Variants in OR2AP1 observed in about 807,000 individuals in gnomAD.
The protein encoded by OR2AP1 is olfactory receptor 2AP1.
In OR2AP1, 20 loss-of-function variants were observed where a neutral mutation model predicts 13.9. That is an observed-to-expected ratio of 1.44 (90% CI 1.01 to 2.09). The LOEUF is 2.09. Ranked by LOEUF, OR2AP1 falls within the 30% of genes most tolerant of loss-of-function variation. OR2AP1 has a pLI of 0.00. For missense variants in OR2AP1, 490 were observed against 360.6 expected (o/e 1.36, Z -2.91); for synonymous variants, 174 against 137.0 (o/e 1.27, Z -1.89).
Position 55,574,652 on chromosome 12 carries a change from C to G in OR2AP1, c.238C>G (p.Leu80Val). 1 of 1,545,682 alleles carries G rather than the reference C, an allele frequency of 6.5e-7. No individual in the cohort carries two copies. ...SFTNIFIPRV[L>V]ISITTGNKSI... is the part of the protein sequence containing the mutation. ...CACAAACATCTTCATTCCAAGGGTC[C>G]TGATTAGCATCACAACAGGGAACAA... is the stretch of plus-strand genomic sequence containing the variant. The change falls in exon 2 of 2, where the codon CTG becomes GTG. Residue 80 changes from leucine to valine, a missense_variant. Leu to Val is a conservative substitution (Grantham distance 32). Coordinates refer to ENST00000641114, the MANE Select transcript of OR2AP1 (RefSeq NM_001258285.2).
chr12:55,575,596 C>G lies in OR2AP1; in HGVS notation c.*252C>G. On this transcript the variant is annotated 3_prime_UTR_variant, in exon 2 of 2. Coordinates refer to ENST00000641114, the MANE Select transcript of OR2AP1 (RefSeq NM_001258285.2). ...ACATATTCTCACTCATAGGTGGGAA[C>G]TGAACAATGAGAACACATGGACACA... 2 of 304,196 alleles carry G rather than the reference C, an allele frequency of 6.6e-6. 1 individual carries two copies. Among genetic ancestry groups the G allele is most frequent in the East Asian group, 1.6e-4 (2 of 12,122 alleles). 18.8% of individuals were successfully genotyped at this position (304,196 alleles called of 1,614,324 possible). A position where few individuals can be genotyped will look rare whatever the true frequency, so the allele number is the denominator to read the frequency against.
intron 1 of OR2AP1, among the ~76,000 whole-genome samples, chr12:55,573,553 G>C (rs1207468123): frequency 3.9e-5 from 6 of 152,174 alleles, no homozygotes; most frequent in African/African-American, 1.4e-4. Context: ...TAATTTAATG[G>C]ATTCACAGAC....
chr12:55,572,604 C>G lies in OR2AP1; in HGVS notation c.-214C>G, dbSNP rs950335622. On this transcript the variant is annotated 5_prime_UTR_variant, in exon 1 of 2. Coordinates refer to ENST00000641114, the MANE Select transcript of OR2AP1 (RefSeq NM_001258285.2). The stretch of plus-strand genomic sequence containing the variant: ...ACTGATGCAGATGTGAATATTCAAC[C>G]ACTCCCTGAAGACTCCAGGTTAGTA... 4 of 152,070 alleles carry G rather than the reference C, an allele frequency of 2.6e-5. No homozygotes were observed. Among genetic ancestry groups the G allele is most frequent in the African/African-American group, 9.7e-5 (4 of 41,408 alleles). The allele number at this position is 152,070 out of a possible 1,614,324, so 9.4% of individuals were successfully genotyped here. A position where few individuals can be genotyped will look rare whatever the true frequency, so the allele number is the denominator to read the frequency against.
chr12:55,574,131 A>C (rs975440773), intron 1 of OR2AP1, 89 bp from the exon 2 acceptor site: 1 of 298,602 alleles, frequency 3.3e-6, no homozygotes, highest in East Asian at 5.8e-5. Flanking sequence ...CAATGTTTTG[A>C]ATATCATTTA....
chr12:55,575,025 C>T lies in OR2AP1; in HGVS notation c.611C>T (p.Thr204Ile). The part of the protein sequence containing the change: ...EKVVFLVASV[T>I]LVVTLVLVIL... The stretch of plus-strand genomic sequence containing the variant: ...GTTGTCTTTCTTGTGGCATCTGTGA[C>T]CCTGGTGGTCACTCTGGTGCTAGTG... Residue 204 changes from threonine (T) to isoleucine (I), a missense_variant, in exon 2 of 2, where the codon ACC becomes ATC. By Grantham distance (89) the Thr-to-Ile change is moderately conservative. Coordinates refer to ENST00000641114, the MANE Select transcript of OR2AP1 (RefSeq NM_001258285.2). The T allele has an allele frequency of 6.5e-7, 1 of 1,538,314 alleles. No homozygotes were observed. Among genetic ancestry groups the T allele is most frequent in the South Asian group, 1.2e-5 (1 of 84,218 alleles).
chr12:55,575,559 A>G lies in OR2AP1; in HGVS notation c.*215A>G. The G allele has an allele frequency of 2.6e-6, 1 of 390,726 alleles. No individual in the cohort carries two copies. The highest frequency in any genetic ancestry group is 4.7e-6 in the Non-Finnish European group (1 of 211,082). The allele number at this position is 390,726 out of a possible 1,614,324, so 24.2% of individuals were successfully genotyped here. On this transcript the variant is annotated 3_prime_UTR_variant, in exon 2 of 2. Transcript: ENST00000641114. Reference sequence around the variant, plus strand: ...CTCAGTAAACTATCACAAGAACAAAAAACCGAACACCACATATTCTCACTC... The same window carrying G: ...CTCAGTAAACTATCACAAGAACAAAGAACCGAACACCACATATTCTCACTC...
rs760152652 is a variant in OR2AP1 at position 55,574,634 on chromosome 12, A to G, written c.220A>G (p.Ile74Val). The change falls in exon 2 of 2, where the codon ATC (isoleucine) becomes GTC (valine). Residue 74 changes from isoleucine to valine, a missense_variant. Coordinates refer to ENST00000641114, the MANE Select transcript of OR2AP1 (RefSeq NM_001258285.2). Reference protein sequence around the residue: ...FSFLEISFTNIFIPRVLISIT... With the variant: ...FSFLEISFTNVFIPRVLISIT... ...CTTCTTGGAAATTTCCTTCACAAAC[A>G]TCTTCATTCCAAGGGTCCTGATTAG... 7 of 1,542,906 alleles carry G rather than the reference A, an allele frequency of 4.5e-6. No individual in the cohort carries two copies. The highest frequency in any genetic ancestry group is 2.4e-5 in the South Asian group (2 of 84,332).
chr12:55,574,377 C>CTCTCTTTT lies in OR2AP1; in HGVS notation c.-35_-28dup. 3 of 1,083,466 alleles carry CTCTCTTTT rather than the reference C, an allele frequency of 2.8e-6. No individual in the cohort carries two copies. Among genetic ancestry groups the CTCTCTTTT allele is most frequent in the Non-Finnish European group, 1.3e-6 (1 of 762,248 alleles). The allele number at this position is 1,083,466 out of a possible 1,614,324, so 67.1% of individuals were successfully genotyped here. A position where few individuals can be genotyped will look rare whatever the true frequency, so the allele number is the denominator to read the frequency against. ...CTTCCTTTCTCACTTTTGATTACTA[C>CTCTCTTTT]TCTCTTTTTCACTTTGAGACTCAAA... On this transcript the variant is annotated 5_prime_UTR_variant, in exon 2 of 2. Coordinates refer to ENST00000641114, the MANE Select transcript of OR2AP1 (RefSeq NM_001258285.2).
Position 55,573,253 on chromosome 12 carries a change from T to C in OR2AP1, c.-196+631T>C, listed in dbSNP as rs541741958. On this transcript the variant is annotated intron_variant, in intron 1 of 1. Coordinates refer to ENST00000641114, the MANE Select transcript of OR2AP1 (RefSeq NM_001258285.2). Reference sequence around the variant, plus strand: ...ATAAAACTTTTAAGTGAGATCTATATGTGTTTATTAAAATATATATAATTT... The same window carrying C: ...ATAAAACTTTTAAGTGAGATCTATACGTGTTTATTAAAATATATATAATTT... 2.0e-5 allele frequency among the ~76,000 whole-genome samples: 3 copies of C among 152,230 alleles called. No homozygotes were observed. In the East Asian group the frequency reaches 5.8e-4, roughly 29 times the overall value.
chr12:55,573,533 G>A (rs936266198), intron 1 of OR2AP1, among the ~76,000 whole-genome samples: 16 of 152,088 alleles, frequency 1.1e-4, no homozygotes, highest in Admixed American at 2.0e-4. Flanking sequence ...TACACAAAAT[G>A]TTTTACACAT....
At position 55,575,220 on chromosome 12, in the gene OR2AP1, A is replaced by C. The variant is rs1592346552; in HGVS notation, c.806A>C (p.Asn269Thr). 2.5e-5 allele frequency: 39 copies of C among 1,580,984 alleles called. No individual in the cohort carries two copies. Among genetic ancestry groups the C allele is most frequent in the Non-Finnish European group, 3.3e-5 (39 of 1,168,566 alleles). Residue 269 changes from asparagine (N) to threonine (T), a missense_variant, in exon 2 of 2, where the codon AAC becomes ACC. Coordinates refer to ENST00000641114, the MANE Select transcript of OR2AP1 (RefSeq NM_001258285.2). ...TCTGCAAAAGAAGGGGATACATTCA[A>C]CAAGGGAGTAGCTCTACTCATTACT... ...NPSAKEGDTF[N>T]KGVALLITSV... is the part of the protein sequence containing the mutation.
chr12:55,575,384 G>C lies in OR2AP1; in HGVS notation c.*40G>C, dbSNP rs1435145322. The C allele has an allele frequency of 8.1e-7, 1 of 1,233,934 alleles. No individual in the cohort carries two copies. Among genetic ancestry groups the C allele is most frequent in the East Asian group, 2.5e-5 (1 of 39,252 alleles). The allele number at this position is 1,233,934 out of a possible 1,614,324, so 76.4% of individuals were successfully genotyped here. ...ATGCATCGCGACATTATTCACAATA[G>C]CAAAGACTTGGAACCAACCCAAATG... is the stretch of plus-strand genomic sequence containing the variant. On this transcript the variant is annotated 3_prime_UTR_variant, in exon 2 of 2. Coordinates refer to ENST00000641114, the MANE Select transcript of OR2AP1 (RefSeq NM_001258285.2).
chr12:55,574,386 T>C lies in OR2AP1; in HGVS notation c.-29T>C, dbSNP rs745835633. On this transcript the variant is annotated 5_prime_UTR_variant, in exon 2 of 2. Coordinates refer to ENST00000641114, the MANE Select transcript of OR2AP1 (RefSeq NM_001258285.2). The stretch of plus-strand genomic sequence containing the variant: ...TCACTTTTGATTACTACTCTCTTTT[T>C]CACTTTGAGACTCAAAATTTTTTCA... 8.0e-7 allele frequency: 1 copy of C among 1,243,738 alleles called. No homozygotes were observed. Among genetic ancestry groups the C allele is most frequent in the Non-Finnish European group, 1.1e-6 (1 of 903,806 alleles). 77.0% of individuals were successfully genotyped at this position (1,243,738 alleles called of 1,614,324 possible).
chr12:55,573,584 A>G (rs1874475481), intron 1 of OR2AP1, among the ~76,000 whole-genome samples: 1 of 152,222 alleles, frequency 6.6e-6, no homozygotes, highest in Admixed American at 6.5e-5. Flanking sequence ...TAATCTAGGG[A>G]TTAGTAGATC....
Position 55,574,566 on chromosome 12 carries a change from C to T in OR2AP1, c.152C>T (p.Ser51Phe). The change falls in exon 2 of 2, where the codon TCC becomes TTC. Residue 51 changes from serine to phenylalanine, a missense_variant. Coordinates refer to ENST00000641114, the MANE Select transcript of OR2AP1 (RefSeq NM_001258285.2). ...LTILILTLLDSHLQTPMYFFL... is the reference protein window; with the variant it reads ...LTILILTLLDFHLQTPMYFFL... ...ATCCTCATCCTCACCTTGCTGGACT[C>T]CCACCTTCAGACTCCCATGTATTTC... The T allele has an allele frequency of 6.5e-7, 1 of 1,540,354 alleles. No homozygotes were observed. The highest frequency in any genetic ancestry group is 1.2e-5 in the South Asian group (1 of 84,236).
Position 55,574,947 on chromosome 12 carries a change from A to C in OR2AP1, c.533A>C (p.Asp178Ala), listed in dbSNP as rs192052570. ...AACAGACTGAATCATTACTTCTGTG[A>C]CTATGAGCCTCTTCTGGAACTCTCA... ...ASNRLNHYFC[D>A]YEPLLELSCS... Residue 178 changes from aspartate (D) to alanine (A), a missense_variant, in exon 2 of 2, where the codon GAC becomes GCC. By Grantham distance (126) the Asp-to-Ala change is moderately radical. Coordinates refer to ENST00000641114, the MANE Select transcript of OR2AP1 (RefSeq NM_001258285.2). 6.5e-7 allele frequency: 1 copy of C among 1,537,962 alleles called. No homozygotes were observed. Among genetic ancestry groups the C allele is most frequent in the Admixed American group, 2.0e-5 (1 of 51,018 alleles).
Position 55,575,522 on chromosome 12 carries a change from G to T in OR2AP1, c.*178G>T. 3 of 473,042 alleles carry T rather than the reference G, an allele frequency of 6.3e-6. No homozygotes were observed. Among genetic ancestry groups the T allele is most frequent in the Non-Finnish European group, 1.1e-5 (3 of 263,352 alleles). 29.3% of individuals were successfully genotyped at this position (473,042 alleles called of 1,614,324 possible). On this transcript the variant is annotated 3_prime_UTR_variant, in exon 2 of 2. Coordinates refer to ENST00000641114, the MANE Select transcript of OR2AP1 (RefSeq NM_001258285.2). Reference sequence around the variant, plus strand: ...CTTTGTAGGGACATGGATGAAATTGGAAATCATCATTCTCAGTAAACTATC... The same window carrying T: ...CTTTGTAGGGACATGGATGAAATTGTAAATCATCATTCTCAGTAAACTATC...
rs1232445779 is a variant in OR2AP1 at position 55,575,281 on chromosome 12, C to A, written c.867C>A (p.Thr289=). 1.3e-6 allele frequency: 2 copies of A among 1,537,612 alleles called. No homozygotes were observed. Among genetic ancestry groups the A allele is most frequent in the South Asian group, 1.2e-5 (1 of 84,524 alleles). Residue 289 remains threonine (T), a synonymous_variant, in exon 2 of 2, where the codon ACC becomes ACA. Transcript: ENST00000641114. Reference sequence around the variant, plus strand: ...CTTTGTTGAACCCCTTTATTTACACCCTAAGGAACCAACAGGTAAAACAAC... The same window carrying A: ...CTTTGTTGAACCCCTTTATTTACACACTAAGGAACCAACAGGTAAAACAAC... The part of the protein sequence containing the change: ...VAPLLNPFIY[T]LRNQQVKQPF...
chr12:55,573,226 C>T (rs1286093531), intron 1 of OR2AP1, among the ~76,000 whole-genome samples: 1 of 151,628 alleles, frequency 6.6e-6, no homozygotes, highest in Non-Finnish European at 1.5e-5. Flanking sequence ...AAGGAACGCT[C>T]TATAAAACTT....
Sources: gnomAD v4.1 joint callset for allele counts (sites outside exome capture counted in the v4.1 genomes callset) on GRCh38, gnomAD v4.1.1 for gene constraint, MANE v1.5 for transcripts, NCBI Gene and HGNC (gene_info 2026-07-23, HGNC 2026-07-21) for gene names.